The following KIFC1 variants were observed in gnomAD, a reference collection of about 807,000 sequenced individuals.
KIFC1 encodes the protein kinesin-like protein KIFC1.
Under a neutral mutation model 66.6 loss-of-function variants are expected in KIFC1, and 37 were observed. That is an observed-to-expected ratio of 0.56 (90% CI 0.43 to 0.73). KIFC1 has a LOEUF of 0.73. Ranked by LOEUF, KIFC1 falls within the 30% of genes least tolerant of loss-of-function variation. KIFC1 has a pLI of 0.00. For missense variants in KIFC1, 721 were observed against 859.8 expected, an observed-to-expected ratio of 0.84 and a Z score of 2.02; for synonymous variants, 325 against 343.5, an observed-to-expected ratio of 0.95 and a Z score of 0.60.
At chr6:33,391,543 C>A (rs1276301423), upstream of KIFC1, 1 of 229,204 alleles carries the variant, frequency 4.4e-6, no homozygotes, top group African/African-American at 2.3e-5. Flanking sequence ...CGTGCGGCGA[C>A]GTCCACGCAT....
At chr6:33,399,963 A>C (rs748007421) in intron 3 of KIFC1, 1 of 570,996 alleles carries the variant, frequency 1.8e-6, no homozygotes, top group Non-Finnish European at 3.1e-6. Flanking sequence ...TTTTTTTCCC[A>C]CTTGCCAAGG....
rs969479659 is a variant in KIFC1, at chr6:33,400,236, A to G, written c.250+1849A>G. The G allele has an allele frequency of 1.0e-5, 16 of 1,563,292 alleles. No homozygotes were observed. Among genetic ancestry groups the G allele is most frequent in the African/African-American group, 1.4e-5 (1 of 74,030 alleles). Reference sequence around the variant, plus strand: ...TCTGTCGAGCAATGTTGACGATCTCATCAAAAGTGATATTCCCATTGTGTT... The same window carrying G: ...TCTGTCGAGCAATGTTGACGATCTCGTCAAAAGTGATATTCCCATTGTGTT... On this transcript the variant is annotated intron_variant, in intron 3 of 10. Coordinates refer to ENST00000428849, the MANE Select transcript of KIFC1 (RefSeq NM_002263.4). The surrounding 1 kb of genome is among the most constrained non-coding windows in gnomAD (Gnocchi z 4.3).
chr6:33,404,757 G>A lies in KIFC1; in HGVS notation c.757-95G>A. On this transcript the variant is annotated intron_variant, in intron 6 of 10. Coordinates refer to ENST00000428849, the MANE Select transcript of KIFC1 (RefSeq NM_002263.4). This position sits in a 1 kb window ranked among gnomAD's most constrained non-coding sequence, Gnocchi z 4.0. ...CAGACTTTGAGGTCCTTTTGAGCAGGGACCTCACTTCCACCCACTCCATAC... is the reference window on the plus strand; with the variant it reads ...CAGACTTTGAGGTCCTTTTGAGCAGAGACCTCACTTCCACCCACTCCATAC... 2 of 1,162,268 alleles carry A rather than the reference G, an allele frequency of 1.7e-6. No individual in the cohort carries two copies. Among genetic ancestry groups the A allele is most frequent in the South Asian group, 1.5e-5 (1 of 66,182 alleles). The allele number at this position is 1,162,268 out of a possible 1,614,324, so 72.0% of individuals were successfully genotyped here.
At chr6:33,408,733 C>T (rs1775763109) in intron 10 of KIFC1, among the ~76,000 whole-genome samples, 1 of 152,150 alleles carries the variant, frequency 6.6e-6, no homozygotes. Flanking sequence ...GAGACAGGGA[C>T]TTGCTCTGTT....
At chr6:33,398,953 T>A (rs1775234539) in intron 3 of KIFC1, among the ~76,000 whole-genome samples, 1 of 152,234 alleles carries the variant, frequency 6.6e-6, no homozygotes, top group Non-Finnish European at 1.5e-5. Context: ...CCCCACCTTT[T>A]TTACATAAAT....
chr6:33,397,645 A>G (rs1468674232), intron 1 of KIFC1, among the ~76,000 whole-genome samples: 3 of 152,184 alleles, frequency 2.0e-5, no homozygotes, highest in Admixed American at 2.0e-4. Flanking sequence ...TGATTCTCCC[A>G]AGCAGTCTTC....
Position 33,405,932 on chromosome 6 carries a change from G to C in KIFC1, c.1537-264G>C, listed in dbSNP as rs1206629760. Among the ~76,000 whole-genome samples, 2 of 152,126 alleles carry C rather than the reference G, an allele frequency of 1.3e-5. No individual in the cohort carries two copies. Among genetic ancestry groups the C allele is most frequent in the Non-Finnish European group, 2.9e-5 (2 of 68,022 alleles). On this transcript the variant is annotated intron_variant, in intron 7 of 10. Transcript: ENST00000428849. This position sits in a 1 kb window ranked among gnomAD's most constrained non-coding sequence, Gnocchi z 5.4. ...GGCTGTTCCTCAACCAGCTAGTCGT[G>C]CTCCCCATCTCAGGGCCTTTGCCTG...
chr6:33,409,871 T>C lies in KIFC1; in HGVS notation c.*181T>C. On this transcript the variant is annotated 3_prime_UTR_variant, in exon 11 of 11. Transcript: ENST00000428849. ...AGAATAGTTTGGTTTTTTTTTTAAA[T>C]AAAGGTTTTATTAGCATTTGCCCAA... 1 of 627,728 alleles carries C rather than the reference T, an allele frequency of 1.6e-6. No individual in the cohort carries two copies. Among genetic ancestry groups the C allele is most frequent in the South Asian group, 2.1e-5 (1 of 47,866 alleles). 38.9% of individuals were successfully genotyped at this position (627,728 alleles called of 1,614,324 possible). A position where few individuals can be genotyped will look rare whatever the true frequency, so the allele number is the denominator to read the frequency against.
In KIFC1 at chr6:33,400,943, C is replaced by T. The variant is rs576981880; in HGVS notation, c.251-2371C>T. ...TTGGGATTACAGGCGTGAGCCACTG[C>T]GCCCGGCTAACTTTTTGACTCTTGT... On this transcript the variant is annotated intron_variant, in intron 3 of 10. Transcript: ENST00000428849. This position sits in a 1 kb window ranked among gnomAD's most constrained non-coding sequence, Gnocchi z 4.3. 3.3e-5 allele frequency among the ~76,000 whole-genome samples: 5 copies of T among 152,290 alleles called. No homozygotes were observed. The highest frequency in any genetic ancestry group is 3.9e-4 in the East Asian group (2 of 5,176).
At position 33,406,699 on chromosome 6, in the gene KIFC1, A is replaced by G; in HGVS notation, c.1901+34A>G. 4.3e-6 allele frequency: 7 copies of G among 1,612,972 alleles called. No homozygotes were observed. Among genetic ancestry groups the G allele is most frequent in the Non-Finnish European group, 5.9e-6 (7 of 1,178,932 alleles). On this transcript the variant is annotated intron_variant, in intron 9 of 10. Coordinates refer to ENST00000428849, the MANE Select transcript of KIFC1 (RefSeq NM_002263.4). The surrounding 1 kb of genome is among the most constrained non-coding windows in gnomAD (Gnocchi z 4.5). Reference sequence around the variant, plus strand: ...AAGGGACAGATGGAAGGGGTCAGGTAGGAACTGTGTTGGGGTGAGGGGTAG... The same window carrying G: ...AAGGGACAGATGGAAGGGGTCAGGTGGGAACTGTGTTGGGGTGAGGGGTAG...
At chr6:33,409,430 C>A (rs1475448276) in intron 10 of KIFC1, among the ~76,000 whole-genome samples, 1 of 152,098 alleles carries the variant, frequency 6.6e-6, no homozygotes, top group Admixed American at 6.6e-5. Flanking sequence ...GTATTTTCTT[C>A]TGGGGCTTCC....
intron 1 of KIFC1, among the ~76,000 whole-genome samples, chr6:33,397,296 C>CTTTTTT (rs9280438): frequency 9.7e-6 from 1 of 102,628 alleles, no homozygotes; most frequent in Admixed American, 1.2e-4. Context: ...TTCTAATGCC[C>CTTTTTT]TTTTTTTTTT....
chr6:33,392,688 T>G (rs1473743626), intron 1 of KIFC1, among the ~76,000 whole-genome samples: 2 of 145,854 alleles, frequency 1.4e-5, no homozygotes, highest in Non-Finnish European at 3.0e-5. Flanking sequence ...AGGAAAGGTC[T>G]GCCTGAATCC....
In KIFC1 at chr6:33,404,351, T is replaced by C. The variant is rs767781237; in HGVS notation, c.756+222T>C. 9.9e-5 allele frequency among the ~76,000 whole-genome samples: 15 copies of C among 152,232 alleles called. No individual in the cohort carries two copies. The highest frequency in any genetic ancestry group is 1.5e-4 in the Non-Finnish European group (10 of 68,034). The stretch of plus-strand genomic sequence containing the variant: ...ACGCTTCTTCCTACCCTTGACTGTT[T>C]GCAAAGCTCTCATTTAGATCTGTGT... On this transcript the variant is annotated intron_variant, in intron 6 of 10. Transcript: ENST00000428849. The surrounding 1 kb of genome is among the most constrained non-coding windows in gnomAD (Gnocchi z 4.0).
At position 33,400,650 on chromosome 6, in the gene KIFC1, C is replaced by T; in HGVS notation, c.250+2263C>T. On this transcript the variant is annotated intron_variant, in intron 3 of 10. Transcript: ENST00000428849. This position sits in a 1 kb window ranked among gnomAD's most constrained non-coding sequence, Gnocchi z 4.3. Reference sequence around the variant, plus strand: ...TCCGAGCCGAAAGCCGAGAGCTTCTCTCTCTTTTTTTTTTGAGATGGAGTC... The same window carrying T: ...TCCGAGCCGAAAGCCGAGAGCTTCTTTCTCTTTTTTTTTTGAGATGGAGTC... 1 of 668,694 alleles carries T rather than the reference C, an allele frequency of 1.5e-6. No individual in the cohort carries two copies. The highest frequency in any genetic ancestry group is 2.6e-6 in the Non-Finnish European group (1 of 388,594). 41.4% of individuals were successfully genotyped at this position (668,694 alleles called of 1,614,324 possible).
chr6:33,401,639 T>C lies in KIFC1; in HGVS notation c.251-1675T>C, dbSNP rs982881734. Among the ~76,000 whole-genome samples, 1 of 152,002 alleles carries C rather than the reference T, an allele frequency of 6.6e-6. No individual in the cohort carries two copies. The highest frequency in any genetic ancestry group is 1.5e-5 in the Non-Finnish European group (1 of 68,034). On this transcript the variant is annotated intron_variant, in intron 3 of 10. Transcript: ENST00000428849. This position sits in a 1 kb window ranked among gnomAD's most constrained non-coding sequence, Gnocchi z 4.5. ...CCACATCTTGTCTCACTGGAAGATC[T>C]TCAGGGGCAGTAACACACATGGAGA...
intron 10 of KIFC1, among the ~76,000 whole-genome samples, chr6:33,407,264 C>G (rs1040015434): frequency 2.6e-5 from 4 of 152,130 alleles, no homozygotes; most frequent in African/African-American, 9.7e-5. Flanking sequence ...GGAAAATTAG[C>G]TGGGTGTAAT....
At position 33,400,540 on chromosome 6, in the gene KIFC1, T is replaced by C. The variant is rs748617213; in HGVS notation, c.250+2153T>C. 5 of 1,517,988 alleles carry C rather than the reference T, an allele frequency of 3.3e-6. No homozygotes were observed. In the East Asian group the frequency reaches 1.1e-4, roughly 35 times the overall value. The allele number at this position is 1,517,988 out of a possible 1,614,324, so 94.0% of individuals were successfully genotyped here. ...GTATACGACCTTGATCTCGTTGGGG[T>C]CGAACTTCGGTGGCATGGTGGAGGC... On this transcript the variant is annotated intron_variant, in intron 3 of 10. Coordinates refer to ENST00000428849, the MANE Select transcript of KIFC1 (RefSeq NM_002263.4). This position sits in a 1 kb window ranked among gnomAD's most constrained non-coding sequence, Gnocchi z 4.3.
intron 10 of KIFC1, among the ~76,000 whole-genome samples, chr6:33,409,024 C>T (rs936024349): frequency 1.3e-5 from 2 of 152,146 alleles, no homozygotes; most frequent in Non-Finnish European, 2.9e-5. Flanking sequence ...AAAAATTCAC[C>T]GGGCGTGGTG....
Sources: gnomAD v4.1 joint callset for allele counts (sites outside exome capture counted in the v4.1 genomes callset) on GRCh38, gnomAD v4.1.1 for gene constraint, Gnocchi (gnomAD v3.1) non-coding constraint, MANE v1.5 for transcripts, NCBI Gene and HGNC (gene_info 2026-07-23, HGNC 2026-07-21) for gene names.